Variants in MYRIP observed in about 807,000 individuals in gnomAD.
MYRIP encodes the protein rab effector MyRIP.
In MYRIP, 49 loss-of-function variants were observed where a neutral mutation model predicts 98.0. The ratio of observed to expected loss-of-function variants is 0.50; its 90% CI spans 0.40 to 0.63. MYRIP has a LOEUF of 0.63. Ranked by LOEUF, MYRIP falls within the 30% of genes least tolerant of loss-of-function variation. The probability of loss-of-function intolerance (pLI) is 0.00; values close to 1 mark genes in which losing one functional copy is unlikely to be tolerated. For synonymous variants in MYRIP, 404 were observed against 409.5 expected (o/e 0.99, Z 0.16); for missense variants, 1,004 against 1,058.2 (o/e 0.95, Z 0.71).
intron 1 of MYRIP, among the ~76,000 whole-genome samples, chr3:39,895,950 C>T (rs979155448): frequency 3.3e-5 from 5 of 151,978 alleles, no homozygotes; most frequent in South Asian, 2.1e-4. Flanking sequence ...CGTGCACGTA[C>T]GCATATACAT....
At chr3:40,124,377 T>G (rs1949475520) in intron 3 of MYRIP, among the ~76,000 whole-genome samples, 1 of 152,222 alleles carries the variant, frequency 6.6e-6, no homozygotes, top group African/African-American at 2.4e-5. Context: ...TCTTTTCATC[T>G]TTACAGCCAT....
At chr3:40,053,901 G>C (rs1399705057) in intron 3 of MYRIP, among the ~76,000 whole-genome samples, 1 of 152,166 alleles carries the variant, frequency 6.6e-6, no homozygotes, top group Non-Finnish European at 1.5e-5. Flanking sequence ...GATTTCCTGA[G>C]CAGCTGTAGT....
chr3:39,962,192 A>T (rs1390916539), intron 2 of MYRIP, among the ~76,000 whole-genome samples: 1 of 152,156 alleles, frequency 6.6e-6, no homozygotes, highest in East Asian at 1.9e-4. Context: ...AATACCACCT[A>T]TCTCCAGATT....
chr3:39,864,798 A>G (rs1213260922), intron 1 of MYRIP, among the ~76,000 whole-genome samples: 1 of 152,228 alleles, frequency 6.6e-6, no homozygotes, highest in Non-Finnish European at 1.5e-5. Flanking sequence ...AGAAAAAGCT[A>G]TTTTAAAATT....
intron 3 of MYRIP, among the ~76,000 whole-genome samples, chr3:40,054,962 A>G (rs563450777): frequency 5.9e-5 from 9 of 152,352 alleles, no homozygotes; most frequent in Admixed American, 1.3e-4. Context: ...TGAGAGGGCC[A>G]CATTTTTTGG....
intron 2 of MYRIP, among the ~76,000 whole-genome samples, chr3:39,979,610 C>G (rs568761354): frequency 1.1e-3 from 170 of 150,624 alleles, no homozygotes; most frequent in African/African-American, 4.1e-3. Flanking sequence ...TGCACTCCAG[C>G]CTGGGCAACA....
chr3:40,137,688 G>A lies in MYRIP; in HGVS notation c.333-13360G>A, dbSNP rs973617312. On this transcript the variant is annotated intron_variant, in intron 3 of 16. Transcript: ENST00000302541. ...GCACGTCAAAAAGCTTATCCACCGTGAACACCATGAGACTGGGAGTCTTGC... is the reference window on the plus strand; with the variant it reads ...GCACGTCAAAAAGCTTATCCACCGTAAACACCATGAGACTGGGAGTCTTGC... Among the ~76,000 whole-genome samples the A allele has an allele frequency of 1.2e-3, 177 of 152,090 alleles. 2 individuals are homozygous for A. The highest frequency in any genetic ancestry group is 3.3e-3 in the Admixed American group (50 of 15,266).
intron 3 of MYRIP, among the ~76,000 whole-genome samples, chr3:40,065,733 C>T (rs975772929): frequency 2.6e-5 from 4 of 152,148 alleles, no homozygotes; most frequent in Admixed American, 2.6e-4. Flanking sequence ...TCGTTACACC[C>T]AGAAGAGGCA....
At chr3:40,127,433 T>C (rs1244696949) in intron 3 of MYRIP, among the ~76,000 whole-genome samples, 1 of 152,240 alleles carries the variant, frequency 6.6e-6, no homozygotes, top group Non-Finnish European at 1.5e-5. Flanking sequence ...TTTCATAGGC[T>C]GCAAACTGGT....
At chr3:40,252,297 C>T (rs1953401609) in intron 16 of MYRIP, among the ~76,000 whole-genome samples, 1 of 152,158 alleles carries the variant, frequency 6.6e-6, no homozygotes, top group African/African-American at 2.4e-5. Flanking sequence ...TAAGTCGTAA[C>T]ATGGTAAGTG....
At chr3:39,905,913 C>T (rs1004993760) in intron 2 of MYRIP, among the ~76,000 whole-genome samples, 1 of 152,000 alleles carries the variant, frequency 6.6e-6, no homozygotes, top group African/African-American at 2.4e-5. Context: ...GAGCAGAGGC[C>T]ATTAAGTGTT....
At chr3:40,108,978 C>T (rs888776886) in intron 3 of MYRIP, among the ~76,000 whole-genome samples, 1 of 152,160 alleles carries the variant, frequency 6.6e-6, no homozygotes, top group African/African-American at 2.4e-5. Flanking sequence ...GGGCTAGGTA[C>T]CAGATAGAGA....
chr3:40,198,016 G>C (rs4676472), intron 10 of MYRIP, among the ~76,000 whole-genome samples: 2 of 151,674 alleles, frequency 1.3e-5, no homozygotes, highest in South Asian at 2.1e-4. Flanking sequence ...ATTGAATACA[G>C]AGATAATGAA....
rs565708249 is a variant in MYRIP, at chr3:39,959,579, G to A, written c.110+58653G>A. 1.6e-3 allele frequency among the ~76,000 whole-genome samples: 245 copies of A among 151,832 alleles called. 7 individuals carry two copies. The South Asian group carries it at 0.047, about 29-fold the overall frequency. On this transcript the variant is annotated intron_variant, in intron 2 of 16. Transcript: ENST00000302541. Reference sequence around the variant, plus strand: ...AGGAGATATACCTAATGTAAATGACGAGTTAATGGGTGCAGCACACCAGCA... The same window carrying A: ...AGGAGATATACCTAATGTAAATGACAAGTTAATGGGTGCAGCACACCAGCA...
At chr3:40,211,213 A>G (rs1434049760) in intron 11 of MYRIP, among the ~76,000 whole-genome samples, 1 of 152,156 alleles carries the variant, frequency 6.6e-6, no homozygotes, top group African/African-American at 2.4e-5. Context: ...ATTCTATTTT[A>G]TCTTCAGAGT....
In MYRIP at chr3:39,974,040, A is replaced by C. The variant is rs185462378; in HGVS notation, c.111-70010A>C. 3.4e-3 allele frequency among the ~76,000 whole-genome samples: 511 copies of C among 152,278 alleles called. 18 individuals are homozygous for C. The highest frequency in any genetic ancestry group is 0.032 in the Admixed American group (484 of 15,292). On this transcript the variant is annotated intron_variant, in intron 2 of 16. Coordinates refer to ENST00000302541, the MANE Select transcript of MYRIP (RefSeq NM_015460.4). ...TCAAAGCTAGCAGAAGGCAAGAAAT[A>C]ACTAAGATCAGAGCAGAACTGAAGG... is the stretch of plus-strand genomic sequence containing the variant.
chr3:40,233,785 T>A, intron 11 of MYRIP, 74 bp from the exon 12 acceptor site: 1 of 1,379,044 alleles, frequency 7.3e-7, no homozygotes, highest in African/African-American at 1.5e-5. Context: ...AGTGTCATGA[T>A]AACATAGAAT....
chr3:39,872,662 T>A (rs554386570), intron 1 of MYRIP, among the ~76,000 whole-genome samples: 100 of 152,158 alleles, frequency 6.6e-4, no homozygotes, highest in Non-Finnish European at 1.3e-3. Context: ...ACAAAGGACA[T>A]GAACTCATCA....
chr3:40,097,285 G>T (rs1336220293), intron 3 of MYRIP, among the ~76,000 whole-genome samples: 1 of 152,176 alleles, frequency 6.6e-6, no homozygotes, highest in Non-Finnish European at 1.5e-5. Flanking sequence ...TAACTTGCCT[G>T]TGGTCTCACA....
Sources: gnomAD v4.1 joint callset for allele counts (sites outside exome capture counted in the v4.1 genomes callset) on GRCh38, gnomAD v4.1.1 for gene constraint, MANE v1.5 for transcripts, NCBI Gene and HGNC (gene_info 2026-07-23, HGNC 2026-07-21) for gene names.